TNN: variants seen among roughly 807,000 people sequenced by gnomAD.
The protein encoded by TNN is tenascin-N.
TNN carries 122 observed loss-of-function variants against 134.4 expected under a neutral mutation model. The ratio of observed to expected loss-of-function variants is 0.91; its 90% CI spans 0.78 to 1.06. The LOEUF is 1.06. Ranked by LOEUF, TNN falls within the 50% of genes least tolerant of loss-of-function variation. The pLI is 0.00. For missense variants in TNN, 1,739 were observed against 1,699.4 expected, an observed-to-expected ratio of 1.02 and a Z score of -0.41; for synonymous variants, 710 against 670.3, an observed-to-expected ratio of 1.06 and a Z score of -0.91.
At chr1:175,119,044 G>T (rs962454170) in intron 11 of TNN, among the ~76,000 whole-genome samples, 6 of 152,202 alleles carry the variant, frequency 3.9e-5, no homozygotes, top group African/African-American at 1.4e-4. Context: ...TATAGGAAAG[G>T]CGTCCCGATC....
Position 175,077,499 on chromosome 1 carries a change from T to G in TNN, c.81T>G (p.Thr27=). 6.2e-7 allele frequency: 1 copy of G among 1,613,948 alleles called. No individual in the cohort carries two copies. The highest frequency in any genetic ancestry group is 8.5e-7 in the Non-Finnish European group (1 of 1,180,022). Residue 27 remains threonine (T), a synonymous_variant, in exon 2 of 19, where the codon ACT becomes ACG. Transcript: ENST00000239462. The stretch of plus-strand genomic sequence containing the variant: ...TCCTGGTGGCTTCGGCCCCAGCCAC[T>G]CTGGAGCCTCCCGGCTGCAGCAACA... ...SVLLVASAPA[T]LEPPGCSNKE... is the part of the protein sequence containing the mutation.
rs187209578 is a variant in TNN, at chr1:175,078,098, A to G, written c.409+271A>G. 7.9e-5 allele frequency among the ~76,000 whole-genome samples: 12 copies of G among 152,360 alleles called. 1 individual carries two copies. In the South Asian group the frequency reaches 2.5e-3, roughly 32 times the overall value. ...ATTGCTTCCAGATGGGAATGCTTCC[A>G]GGAGCCGTCATACCTGTGAATCAAA... On this transcript the variant is annotated intron_variant, in intron 2 of 18. Coordinates refer to ENST00000239462, the MANE Select transcript of TNN (RefSeq NM_022093.2).
intron 17 of TNN, among the ~76,000 whole-genome samples, chr1:175,141,253 A>G (rs143388797): frequency 5.9e-4 from 90 of 152,362 alleles, no homozygotes; most frequent in Admixed American, 1.4e-3. Context: ...TTATTCATCT[A>G]TTTAGAGATC....
intron 16 of TNN, 89 bp downstream of exon 16, chr1:175,136,030 C>G: frequency 1.1e-6 from 1 of 935,280 alleles, no homozygotes; most frequent in East Asian, 2.4e-5. Context: ...AGCTCACCAC[C>G]TTCACAGAGA....
chr1:175,128,197 G>A lies in TNN; in HGVS notation c.3178+33G>A, dbSNP rs767823075. ...GGAATCCTGTACTCTGAACGACCGT[G>A]CAATGAGAACCAGCACCGGAAAGCC... On this transcript the variant is annotated intron_variant, in intron 14 of 18. Transcript: ENST00000239462. 5 of 1,538,688 alleles carry A rather than the reference G, an allele frequency of 3.2e-6. No homozygotes were observed. The Admixed American group carries it at 8.2e-5, about 25-fold the overall frequency.
intron 1 of TNN, among the ~76,000 whole-genome samples, chr1:175,070,331 A>C (rs1005755507): frequency 2.0e-5 from 3 of 152,196 alleles, no homozygotes; most frequent in Non-Finnish European, 4.4e-5. Flanking sequence ...AACAAAACAA[A>C]ATGAGCCTGT....
At chr1:175,134,852 CT>C (rs11345549) in intron 15 of TNN, among the ~76,000 whole-genome samples, 36,292 of 152,098 alleles carry the variant, frequency 0.24, 4,777 homozygotes, top group East Asian at 0.43. Flanking sequence ...ACTCTTGCCC[CT>C]GACCAGTCCA....
At chr1:175,080,719 C>T (rs181451457) in intron 4 of TNN, among the ~76,000 whole-genome samples, 382 of 152,218 alleles carry the variant, frequency 2.5e-3, no homozygotes, top group Middle Eastern at 3.4e-3. Flanking sequence ...ACATGAATCC[C>T]CAGTCTCTTA....
At chr1:175,146,906 G>A in intron 18 of TNN, 25 bp from the exon 19 acceptor site, 2 of 1,420,410 alleles carry the variant, frequency 1.4e-6, no homozygotes, top group South Asian at 1.4e-5. Context: ...TCTTCTTGAT[G>A]TGGCTTTTTT....
At chr1:175,138,974 AGAAAAG>A (rs1489629084) in intron 17 of TNN, among the ~76,000 whole-genome samples, 1 of 152,250 alleles carries the variant, frequency 6.6e-6, no homozygotes, top group East Asian at 1.9e-4. Context: ...ATGTAAACAT[AGAAAAG>A]GCACAGTGAG....
chr1:175,127,147 G>C, intron 13 of TNN, 62 bp downstream of exon 13: 1 of 1,573,230 alleles, frequency 6.4e-7, no homozygotes, highest in Non-Finnish European at 8.6e-7. Context: ...AACTAACTTG[G>C]GCCAATCAGC....
intron 8 of TNN, 84 bp downstream of exon 8, chr1:175,097,767 C>T (rs1401937587): frequency 2.1e-5 from 33 of 1,541,568 alleles, no homozygotes; most frequent in Non-Finnish European, 2.9e-5. Context: ...GTGGCCTGAG[C>T]AGAAAGACTT....
At chr1:175,100,657 A>G (rs1167634433) in intron 9 of TNN, among the ~76,000 whole-genome samples, 3 of 151,986 alleles carry the variant, frequency 2.0e-5, no homozygotes, top group African/African-American at 7.3e-5. Flanking sequence ...TGACTTTGGG[A>G]AAACGGCTTT....
At position 175,094,043 on chromosome 1, in the gene TNN, A is replaced by C; in HGVS notation, c.1378A>C (p.Thr460Pro). The part of the protein sequence containing the change: ...VTDRVTEDTA[T>P]VSWDPVQAVI... ...TGATCGAGTGACTGAAGACACAGCA[A>C]CTGTCTCCTGGGACCCAGTGCAGGC... is the stretch of plus-strand genomic sequence containing the variant. The change falls in exon 7 of 19, where the codon ACT becomes CCT. Residue 460 changes from threonine to proline, a missense_variant. Transcript: ENST00000239462. 1 of 1,613,096 alleles carries C rather than the reference A, an allele frequency of 6.2e-7. No individual in the cohort carries two copies. The highest frequency in any genetic ancestry group is 2.2e-5 in the East Asian group (1 of 44,858).
chr1:175,147,364 A>G lies in TNN; in HGVS notation c.*293A>G, dbSNP rs756863772. On this transcript the variant is annotated 3_prime_UTR_variant, in exon 19 of 19. Transcript: ENST00000239462. ...ATATATACTGGATTAGGGCAAGAGA[A>G]GGAATCACCCAGCACTTCACCAGTT... 3.5e-6 allele frequency: 1 copy of G among 283,550 alleles called. No individual in the cohort carries two copies. The highest frequency in any genetic ancestry group is 6.5e-6 in the Non-Finnish European group (1 of 153,956). 17.6% of individuals were successfully genotyped at this position (283,550 alleles called of 1,614,324 possible). A position where few individuals can be genotyped will look rare whatever the true frequency, so the allele number is the denominator to read the frequency against.
intron 9 of TNN, among the ~76,000 whole-genome samples, chr1:175,100,229 G>T (rs1674684100): frequency 6.6e-6 from 1 of 152,160 alleles, no homozygotes; most frequent in Non-Finnish European, 1.5e-5. Context: ...TGCTGCAGAG[G>T]TCTATCTTGT....
At chr1:175,119,170 G>T (rs1052794842) in intron 11 of TNN, among the ~76,000 whole-genome samples, 1 of 152,232 alleles carries the variant, frequency 6.6e-6, no homozygotes, top group Non-Finnish European at 1.5e-5. Context: ...ATGGCTACTA[G>T]CCATGGGCAG....
chr1:175,068,517 TTTAA>T (rs1446299586), intron 1 of TNN, among the ~76,000 whole-genome samples: 5 of 152,208 alleles, frequency 3.3e-5, no homozygotes, highest in Non-Finnish European at 5.9e-5. Flanking sequence ...TTTTACAGGT[TTTAA>T]TTATTATTTG....
chr1:175,074,484 GAAAAAAA>G (rs55952749), intron 1 of TNN, among the ~76,000 whole-genome samples: 19 of 119,044 alleles, frequency 1.6e-4, no homozygotes, highest in East Asian at 2.9e-4. Context: ...GATCCTGTCT[GAAAAAAA>G]AAAAAAAAAA....
Sources: gnomAD v4.1 joint callset for allele counts (sites outside exome capture counted in the v4.1 genomes callset) on GRCh38, gnomAD v4.1.1 for gene constraint, MANE v1.5 for transcripts, NCBI Gene and HGNC (gene_info 2026-07-23, HGNC 2026-07-21) for gene names.